BCKDHA: variants seen among roughly 807,000 people sequenced by gnomAD.
BCKDHA encodes the protein 2-oxoisovalerate dehydrogenase subunit alpha, mitochondrial.
Under a neutral mutation model 52.2 loss-of-function variants are expected in BCKDHA, and 43 were observed. That is an observed-to-expected ratio of 0.82 (90% CI 0.64 to 1.06). The LOEUF (loss-of-function observed/expected upper bound fraction) is 1.06. BCKDHA is among the 50% of genes least tolerant of loss of function. The probability of loss-of-function intolerance (pLI) is 0.00; values close to 1 mark genes in which losing one functional copy is unlikely to be tolerated. For synonymous variants in BCKDHA, 234 were observed against 247.9 expected (o/e 0.94, Z 0.53); for missense variants, 527 against 621.3 (o/e 0.85, Z 1.61).
rs760230287 is a variant in BCKDHA at position 41,422,148 on chromosome 19, C to T, written c.647-16C>T. ...TGAGTCTCCGCCCCTGCTCACCACC[C>T]TCTCATCCCCTGCAGCGGTGGGGGC... On this transcript the variant is annotated splice_polypyrimidine_tract_variant and intron_variant, in intron 5 of 8. Transcript: ENST00000269980. 9.3e-6 allele frequency: 15 copies of T among 1,610,808 alleles called. No individual in the cohort carries two copies. In the Admixed American group the frequency reaches 2.2e-4, roughly 23 times the overall value.
intron 2 of BCKDHA, 26 bp downstream of exon 2, chr19:41,410,842 C>T (rs759842379): frequency 2.4e-5 from 39 of 1,613,772 alleles, no homozygotes; most frequent in South Asian, 1.8e-4. Flanking sequence ...CCCCACTTCC[C>T]GTGCCCCCCA....
intron 4 of BCKDHA, among the ~76,000 whole-genome samples, chr19:41,417,650 C>T (rs1191203370): frequency 3.9e-5 from 6 of 152,172 alleles, no homozygotes; most frequent in African/African-American, 1.2e-4. Flanking sequence ...GTGGGCTGGG[C>T]GTGGTGGCTC....
chr19:41,422,779 C>T lies in BCKDHA; in HGVS notation c.995+9C>T, dbSNP rs13343330. 1.3e-3 allele frequency: 2,163 copies of T among 1,612,784 alleles called. 37 individuals are homozygous for T. In the African/African-American group the frequency reaches 0.026, roughly 19 times the overall value. On this transcript the variant is annotated intron_variant, in intron 7 of 8. Transcript: ENST00000269980. Reference sequence around the variant, plus strand: ...GAGGCCATGACCTACAGGTGCCTGCCGCTCCCCCCGTCAGCACCCCCACAG... The same window carrying T: ...GAGGCCATGACCTACAGGTGCCTGCTGCTCCCCCCGTCAGCACCCCCACAG...
At chr19:41,409,822 G>A (rs1393636737) in intron 1 of BCKDHA, among the ~76,000 whole-genome samples, 2 of 33,570 alleles carry the variant, frequency 6.0e-5, no homozygotes, top group South Asian at 9.5e-4. Context: ...TTTTTTTTTT[G>A]AGATGGAGTC....
chr19:41,419,353 C>G, intron 5 of BCKDHA, 57 bp downstream of exon 5: 1 of 1,557,238 alleles, frequency 6.4e-7, no homozygotes, highest in Non-Finnish European at 8.7e-7. Flanking sequence ...CACCCCTGTC[C>G]AGGCCTCAGC....
At chr19:41,414,971 C>T (rs543140296) in intron 4 of BCKDHA, among the ~76,000 whole-genome samples, 50 of 152,188 alleles carry the variant, frequency 3.3e-4, no homozygotes, top group African/African-American at 1.2e-3. Context: ...CTGTTGAGGG[C>T]AGTCTTGGGG....
chr19:41,422,559 C>T (rs1431322892), intron 6 of BCKDHA, 70 bp from the exon 7 acceptor site: 12 of 1,606,324 alleles, frequency 7.5e-6, no homozygotes, highest in Admixed American at 6.7e-5. Flanking sequence ...TCTCCCTGCT[C>T]GTCCCCTTGG....
chr19:41,407,267 A>G (rs1380797675), intron 1 of BCKDHA, among the ~76,000 whole-genome samples: 8 of 152,196 alleles, frequency 5.3e-5, no homozygotes, highest in Admixed American at 5.2e-4. Context: ...CAGATAAGGA[A>G]ATTCAGAGAG....
At chr19:41,418,846 A>T in intron 4 of BCKDHA, 1 of 438,626 alleles carries the variant, frequency 2.3e-6, no homozygotes, top group Non-Finnish European at 4.4e-6. Context: ...GGCCATAGTA[A>T]TGATTTATGG....
intron 1 of BCKDHA, among the ~76,000 whole-genome samples, chr19:41,406,358 C>T (rs917862663): frequency 7.2e-5 from 11 of 152,122 alleles, no homozygotes; most frequent in African/African-American, 2.7e-4. Context: ...CTCCCCTGTG[C>T]CTCAGTCTCC....
At chr19:41,422,398 C>A (rs1431116447) in intron 6 of BCKDHA, 28 bp downstream of exon 6, 1 of 1,612,906 alleles carries the variant, frequency 6.2e-7, no homozygotes, top group Admixed American at 1.7e-5. Context: ...TGCTCCCCAC[C>A]CCGCTGGGAT....
intron 1 of BCKDHA, among the ~76,000 whole-genome samples, chr19:41,405,195 C>A (rs192434880): frequency 6.6e-6 from 1 of 152,302 alleles, no homozygotes; most frequent in African/African-American, 2.4e-5. Flanking sequence ...CAGGTCAACT[C>A]GGTTAATCCT....
intron 1 of BCKDHA, among the ~76,000 whole-genome samples, chr19:41,401,447 G>A (rs910188198): frequency 7.9e-5 from 12 of 152,290 alleles, no homozygotes; most frequent in African/African-American, 2.4e-4. Flanking sequence ...GCATATTGTA[G>A]ACAGATTGGA....
At chr19:41,401,953 C>A (rs2039143389) in intron 1 of BCKDHA, among the ~76,000 whole-genome samples, 2 of 152,156 alleles carry the variant, frequency 1.3e-5, no homozygotes. Flanking sequence ...TAAAAACACA[C>A]CCAAGACTGG....
At position 41,422,191 on chromosome 19, in the gene BCKDHA, G is replaced by A. The variant is rs370143038; in HGVS notation, c.674G>A (p.Arg225Gln). ...GTGGGGGCGGCGTACGCAGCCAAGC[G>A]GGCCAATGCCAACAGGGTCGTCATC... Reference protein sequence around the residue: ...QAVGAAYAAKRANANRVVICY... With the variant: ...QAVGAAYAAKQANANRVVICY... Residue 225 changes from arginine to glutamine, a missense_variant, in exon 6 of 9, where the codon CGG (arginine) becomes CAG (glutamine). Arg to Gln is a conservative substitution (Grantham distance 43). Coordinates refer to ENST00000269980, the MANE Select transcript of BCKDHA (RefSeq NM_000709.4). 7.4e-6 allele frequency: 12 copies of A among 1,613,998 alleles called. No individual in the cohort carries two copies. Among genetic ancestry groups the A allele is most frequent in the South Asian group, 4.4e-5 (4 of 91,078 alleles).
intron 1 of BCKDHA, chr19:41,399,866 A>G (rs947009335): frequency 6.6e-6 from 1 of 151,138 alleles, no homozygotes; most frequent in Non-Finnish European, 1.5e-5. Flanking sequence ...ACTTACTGCA[A>G]TCTCTGCCTG....
intron 1 of BCKDHA, among the ~76,000 whole-genome samples, chr19:41,402,755 C>T (rs1406856074): frequency 2.0e-5 from 3 of 152,168 alleles, no homozygotes; most frequent in Admixed American, 6.6e-5. Context: ...ATTGTCCTGC[C>T]TCCCCCTCTC....
At chr19:41,422,826 C>T (rs1484770659) in intron 7 of BCKDHA, 56 bp downstream of exon 7, 43 of 1,609,938 alleles carry the variant, frequency 2.7e-5, no homozygotes, top group African/African-American at 4.0e-5. Flanking sequence ...ACCGTAGCAT[C>T]TTCCTCATAT....
At chr19:41,403,614 C>T (rs1406227814) in intron 1 of BCKDHA, among the ~76,000 whole-genome samples, 2 of 152,176 alleles carry the variant, frequency 1.3e-5, no homozygotes, top group Non-Finnish European at 2.9e-5. Context: ...GGCTGAACTC[C>T]CCCTTCTTTA....
Sources: gnomAD v4.1 joint callset for allele counts (sites outside exome capture counted in the v4.1 genomes callset) on GRCh38, gnomAD v4.1.1 for gene constraint, MANE v1.5 for transcripts, NCBI Gene and HGNC (gene_info 2026-07-23, HGNC 2026-07-21) for gene names.